The following DLG2 variants were observed in gnomAD, a reference collection of about 807,000 sequenced individuals.
DLG2 encodes the protein discs large MAGUK scaffold protein 2, also known as disks large homolog 2.
A neutral mutation model predicts 132.5 loss-of-function variants in DLG2; 45 were observed. The ratio of observed to expected loss-of-function variants is 0.34; its 90% CI spans 0.27 to 0.44. The LOEUF is 0.44. DLG2 is among the 20% of genes least tolerant of loss of function. DLG2 has a pLI of 1.00. For synonymous variants in DLG2, 424 were observed against 419.6 expected, an observed-to-expected ratio of 1.01 and a Z score of -0.13; for missense variants, 1,045 against 1,196.9, an observed-to-expected ratio of 0.87 and a Z score of 1.87.
intron 6 of DLG2, among the ~76,000 whole-genome samples, chr11:84,895,319 T>C (rs1408156640): frequency 6.6e-6 from 1 of 152,180 alleles, no homozygotes; most frequent in South Asian, 2.1e-4. Context: ...AATACAAATA[T>C]GATACTAGGC....
chr11:85,337,177 G>C (rs1293052507), intron 3 of DLG2, among the ~76,000 whole-genome samples: 1 of 152,096 alleles, frequency 6.6e-6, no homozygotes, highest in South Asian at 2.1e-4. Flanking sequence ...ATTCATCGTG[G>C]ATCTTATTTC....
chr11:84,524,010 G>A (rs1405590250), intron 7 of DLG2, among the ~76,000 whole-genome samples: 1 of 152,054 alleles, frequency 6.6e-6, no homozygotes, highest in Non-Finnish European at 1.5e-5. Flanking sequence ...CCTTCCATGG[G>A]TGTCCAGTCT....
At chr11:84,370,304 T>C (rs929229887) in intron 7 of DLG2, among the ~76,000 whole-genome samples, 6 of 152,120 alleles carry the variant, frequency 3.9e-5, no homozygotes, top group African/African-American at 1.4e-4. Context: ...AAATTTGAAA[T>C]ATTATTCATT....
intron 11 of DLG2, among the ~76,000 whole-genome samples, chr11:84,011,491 T>G (rs10792702): frequency 6.7e-6 from 1 of 149,124 alleles, no homozygotes; most frequent in African/African-American, 2.5e-5. Flanking sequence ...ATAAATAAAT[T>G]AATTAATTAA....
intron 6 of DLG2, among the ~76,000 whole-genome samples, chr11:84,666,640 T>C (rs535244599): frequency 1.8e-3 from 279 of 152,152 alleles, no homozygotes; most frequent in African/African-American, 6.4e-3. Context: ...CCATATGCAA[T>C]TGGATGTGTG....
At chr11:84,581,814 G>A (rs1400791889) in intron 6 of DLG2, among the ~76,000 whole-genome samples, 1 of 151,290 alleles carries the variant, frequency 6.6e-6, no homozygotes, top group Non-Finnish European at 1.5e-5. Flanking sequence ...GGCTGAAGCA[G>A]GAGAATCGCT....
rs557071612 is a variant in DLG2 at position 84,445,455 on chromosome 11, C to T, written c.519+89115G>A. ...TCCCTCAGAGCTTTGAAGATATTAA[C>T]CTGCTGCCTATTTGCTGCCTGTTAC... On this transcript the variant is annotated intron_variant, in intron 7 of 27. Transcript: ENST00000376104. Among the ~76,000 whole-genome samples the T allele has an allele frequency of 2.6e-5, 4 of 152,218 alleles. No individual in the cohort carries two copies. In the South Asian group the frequency reaches 8.3e-4, roughly 32 times the overall value.
intron 6 of DLG2, among the ~76,000 whole-genome samples, chr11:84,738,001 T>C (rs2064087139): frequency 6.6e-6 from 1 of 152,106 alleles, no homozygotes; most frequent in Non-Finnish European, 1.5e-5. Flanking sequence ...GCTTGCATTG[T>C]AAATTTGATT....
intron 3 of DLG2, among the ~76,000 whole-genome samples, chr11:85,393,886 A>T (rs140117775): frequency 6.6e-6 from 1 of 152,262 alleles, no homozygotes; most frequent in East Asian, 1.9e-4. Context: ...AAGTGATACG[A>T]TGGACATTGG....
chr11:84,355,548 C>G (rs1395081758), intron 7 of DLG2, among the ~76,000 whole-genome samples: 1 of 152,028 alleles, frequency 6.6e-6, no homozygotes, highest in African/African-American at 2.4e-5. Context: ...CTTGGATTCC[C>G]CAGCCTCCAG....
At chr11:84,083,336 T>C (rs191097403) in intron 10 of DLG2, among the ~76,000 whole-genome samples, 2 of 152,192 alleles carry the variant, frequency 1.3e-5, no homozygotes, top group East Asian at 3.9e-4. Flanking sequence ...TGTGGTATCA[T>C]TAAGACAAAG....
intron 15 of DLG2, among the ~76,000 whole-genome samples, chr11:83,929,142 A>AT (rs1339729430): frequency 6.6e-6 from 1 of 152,210 alleles, no homozygotes; most frequent in Non-Finnish European, 1.5e-5. Flanking sequence ...TATTTCTGGA[A>AT]ATGTTAGATG....
At chr11:85,186,211 G>A (rs1376135291) in intron 4 of DLG2, among the ~76,000 whole-genome samples, 2 of 151,748 alleles carry the variant, frequency 1.3e-5, no homozygotes, top group African/African-American at 2.4e-5. Flanking sequence ...TCTAGTAGCT[G>A]TATTAAAAAA....
At chr11:84,382,552 A>G (rs1245071428) in intron 7 of DLG2, among the ~76,000 whole-genome samples, 1 of 152,192 alleles carries the variant, frequency 6.6e-6, no homozygotes, top group Admixed American at 6.6e-5. Flanking sequence ...CATTCAAGGT[A>G]GTGATCAGTT....
intron 6 of DLG2, among the ~76,000 whole-genome samples, chr11:84,727,406 T>C (rs552833187): frequency 2.0e-5 from 3 of 151,938 alleles, no homozygotes. Context: ...GATGGTTTTA[T>C]ATGGTGGTGT....
At chr11:83,537,820 AAAAAAAAAAAAAAAAG>A (rs1292813339) in intron 20 of DLG2, among the ~76,000 whole-genome samples, 1 of 143,956 alleles carries the variant, frequency 6.9e-6, no homozygotes, top group Non-Finnish European at 1.5e-5. Flanking sequence ...AAAAAAAAAA[AAAAAAAAAAAAAAAAG>A]AGAGAGAGAG....
intron 6 of DLG2, among the ~76,000 whole-genome samples, chr11:84,572,926 C>T (rs942272910): frequency 1.3e-5 from 2 of 152,174 alleles, no homozygotes; most frequent in African/African-American, 4.8e-5. Context: ...TACTAATGTT[C>T]ATGCTGCTTT....
intron 6 of DLG2, among the ~76,000 whole-genome samples, chr11:84,839,954 C>T (rs185164732): frequency 1.3e-5 from 2 of 152,134 alleles, no homozygotes; most frequent in Admixed American, 1.3e-4. Flanking sequence ...ACTAAAACAC[C>T]AAAAGCAATG....
chr11:85,280,154 T>A lies in DLG2; in HGVS notation c.186+5066A>T, dbSNP rs1455272686. ...TTATTTGATTCTCCCTGACATATAG[T>A]TTTTATCTCCATTTACTGATGAAGA... is the stretch of plus-strand genomic sequence containing the variant. On this transcript the variant is annotated intron_variant, in intron 4 of 27. Coordinates refer to ENST00000376104, the MANE Select transcript of DLG2 (RefSeq NM_001142699.3). Among the ~76,000 whole-genome samples the A allele has an allele frequency of 2.0e-5, 3 of 152,012 alleles. No individual in the cohort carries two copies. The East Asian group carries it at 5.8e-4, about 29-fold the overall frequency.
Sources: allele counts gnomAD v4.1 joint callset (sites outside exome capture counted in the v4.1 genomes callset), GRCh38; gene constraint gnomAD v4.1.1; transcripts MANE v1.5; gene names NCBI Gene and HGNC (gene_info 2026-07-23, HGNC 2026-07-21).